Variants in TBC1D9B observed in about 807,000 individuals in gnomAD.
TBC1D9B encodes the protein TBC1 domain family member 9B, also known as TBC1 domain family, member 9B (with GRAM domain).
A neutral mutation model predicts 121.1 loss-of-function variants in TBC1D9B; 87 were observed. The ratio of observed to expected loss-of-function variants is 0.72; its 90% CI spans 0.60 to 0.86. The LOEUF (loss-of-function observed/expected upper bound fraction) is 0.86, where lower values mean the gene tolerates loss of function less well. Ranked by LOEUF, TBC1D9B falls within the 40% of genes least tolerant of loss-of-function variation. The pLI, the probability that TBC1D9B is intolerant of heterozygous loss-of-function variation, is 0.00. For synonymous variants in TBC1D9B, 668 were observed against 670.1 expected, an observed-to-expected ratio of 1.00 and a Z score of 0.05; for missense variants, 1,540 against 1,628.6, an observed-to-expected ratio of 0.95 and a Z score of 0.94.
chr5:179,873,094 C>A, intron 13 of TBC1D9B, 25 bp downstream of exon 13: 1 of 1,610,776 alleles, frequency 6.2e-7, no homozygotes. Flanking sequence ...GCGGCCTGGC[C>A]AAAATGGCCC....
chr5:179,894,620 G>A lies in TBC1D9B; in HGVS notation c.349-6C>T. 6.2e-7 allele frequency: 1 copy of A among 1,614,078 alleles called. No homozygotes were observed. The highest frequency in any genetic ancestry group is 1.1e-5 in the South Asian group (1 of 91,084). ...TTCTCTTCTGCGATGATTCCCTGGA[G>A]GAAGGCAAGAGGACAAGGGCTTGCC... On this transcript the variant is annotated splice_region_variant and splice_polypyrimidine_tract_variant and intron_variant, in intron 3 of 20. Coordinates refer to ENST00000355235, the MANE Select transcript of TBC1D9B (RefSeq NM_015043.4).
In TBC1D9B at chr5:179,870,459, G is replaced by T; in HGVS notation, c.2521C>A (p.Arg841Ser). The change falls in exon 16 of 21, where the codon CGC becomes AGC. Residue 841 changes from arginine (R) to serine (S), a missense_variant. Arg to Ser is a moderately radical substitution (Grantham distance 110). Transcript: ENST00000355235. ...GGGTCCCGACGGCCGGCCATTGTGC[G>T]GCTGCACCCCCAGTACTGGCTAGCC... The part of the protein sequence containing the change: ...HLASQYWGCS[R>S]TMAGRRDPSL... 6.2e-7 allele frequency: 1 copy of T among 1,612,492 alleles called. No individual in the cohort carries two copies. The highest frequency in any genetic ancestry group is 8.5e-7 in the Non-Finnish European group (1 of 1,179,978).
At chr5:179,901,739 G>C (rs931077230) in intron 2 of TBC1D9B, among the ~76,000 whole-genome samples, 1 of 152,212 alleles carries the variant, frequency 6.6e-6, no homozygotes, top group African/African-American at 2.4e-5. Context: ...CGGCACTCCA[G>C]CCTGGGCAAC....
In TBC1D9B at chr5:179,867,788, G is replaced by A. The variant is rs1375480129; in HGVS notation, c.2853C>T (p.Ser951=). The part of the protein sequence containing the change: ...LEAAHYFTED[S]SSEEALPQEE... ...CCAGTGGCCGCTCACCTTCTGAGGA[G>A]CTGTCCTCTGTGAAATAATGGGCCG... Residue 951 remains serine (S), a synonymous_variant, in exon 18 of 21, where the codon AGC becomes AGT. Transcript: ENST00000355235. 1 of 1,561,772 alleles carries A rather than the reference G, an allele frequency of 6.4e-7. No individual in the cohort carries two copies. Among genetic ancestry groups the A allele is most frequent in the Admixed American group, 1.9e-5 (1 of 53,806 alleles).
Position 179,863,463 on chromosome 5 carries a change from A to G in TBC1D9B, c.3687T>C (p.Pro1229=), listed in dbSNP as rs1561629809. ...GCTGCAGGCATCAGCCGGAAACTCCAGGCTGCTCATGGTCACTGGCGGTGC... is the reference window on the plus strand; with the variant it reads ...GCTGCAGGCATCAGCCGGAAACTCCGGGCTGCTCATGGTCACTGGCGGTGC... ...QFSTASDHEQ[P]GVSG Residue 1229 remains proline (P), a synonymous_variant, in exon 21 of 21, where the codon CCT becomes CCC. Coordinates refer to ENST00000355235, the MANE Select transcript of TBC1D9B (RefSeq NM_015043.4). The surrounding 1 kb of genome is among the most constrained non-coding windows in gnomAD (Gnocchi z 4.5). 1 of 1,613,704 alleles carries G rather than the reference A, an allele frequency of 6.2e-7. No homozygotes were observed. The highest frequency in any genetic ancestry group is 2.2e-5 in the East Asian group (1 of 44,880).
At position 179,875,844 on chromosome 5, in the gene TBC1D9B, C is replaced by G; in HGVS notation, c.1900+76G>C. ...ACCCACGTGAAGCCTGGAGCTTGGC[C>G]TGGGAAGGGCTGCCACCCTCATGGA... is the stretch of plus-strand genomic sequence containing the variant. On this transcript the variant is annotated intron_variant, in intron 11 of 20. Transcript: ENST00000355235. The surrounding 1 kb of genome is among the most constrained non-coding windows in gnomAD (Gnocchi z 4.5). The G allele has an allele frequency of 8.0e-7, 1 of 1,242,640 alleles. No individual in the cohort carries two copies. 77.0% of individuals were successfully genotyped at this position (1,242,640 alleles called of 1,614,324 possible). A position where few individuals can be genotyped will look rare whatever the true frequency, so the allele number is the denominator to read the frequency against.
intron 1 of TBC1D9B, among the ~76,000 whole-genome samples, chr5:179,906,422 G>A (rs565281666): frequency 1.1e-4 from 16 of 152,320 alleles, no homozygotes; most frequent in Middle Eastern, 3.4e-3. Context: ...GCACCCGCCC[G>A]TTCAATGAGA....
In TBC1D9B at chr5:179,879,161, G is replaced by A. The variant is rs1760455896; in HGVS notation, c.1453C>T (p.His485Tyr). The change falls in exon 9 of 21, where the codon CAC becomes TAC. Residue 485 changes from histidine (H) to tyrosine (Y), a missense_variant. By Grantham distance (83) the His-to-Tyr change is moderately conservative. Coordinates refer to ENST00000355235, the MANE Select transcript of TBC1D9B (RefSeq NM_015043.4). ...EKMKEESWHI[H>Y]FFEYGRGVCM... ...ACGCCACGCCCGTACTCGAAGAAGT[G>A]GATGTGCCATGACTCCTCTTTCATC... 1 of 1,605,576 alleles carries A rather than the reference G, an allele frequency of 6.2e-7. No individual in the cohort carries two copies. The highest frequency in any genetic ancestry group is 1.7e-4 in the Middle Eastern group (1 of 6,054).
At position 179,865,324 on chromosome 5, in the gene TBC1D9B, T is replaced by C. The variant is rs1759976674; in HGVS notation, c.2951A>G (p.Tyr984Cys). Residue 984 changes from tyrosine (Y) to cysteine (C), a missense_variant, in exon 20 of 21, where the codon TAC becomes TGC. Transcript: ENST00000355235. The surrounding 1 kb of genome is among the most constrained non-coding windows in gnomAD (Gnocchi z 5.1). ...KGTSSPDYRH[Y>C]LRMWAKEKEA... ...TTTCTCCTTGGCCCACATTCGAAGG[T>C]AGTGCCGATAGTCCGGAGAGCTGGT... is the stretch of plus-strand genomic sequence containing the variant. 1.2e-6 allele frequency: 2 copies of C among 1,613,894 alleles called. No individual in the cohort carries two copies. The highest frequency in any genetic ancestry group is 1.7e-6 in the Non-Finnish European group (2 of 1,180,022).
intron 2 of TBC1D9B, among the ~76,000 whole-genome samples, chr5:179,900,788 A>G (rs1014942133): frequency 2.0e-5 from 3 of 152,168 alleles, no homozygotes; most frequent in African/African-American, 7.2e-5. Context: ...ACAAGGCACA[A>G]CTCAGCCTTC....
intron 7 of TBC1D9B, among the ~76,000 whole-genome samples, chr5:179,881,339 C>T (rs1760536605): frequency 6.6e-6 from 1 of 152,186 alleles, no homozygotes; most frequent in East Asian, 1.9e-4. Context: ...CACACTTCTT[C>T]CTGTTTAACT....
chr5:179,907,738 T>C lies in TBC1D9B; in HGVS notation c.84A>G (p.Arg28=). ...CGCCGCCCCTGCCGTGGCCCCGGCG[T>C]CGCTGCAGCACGAAGAAGGGGTTGG... ...ERANPFFVLQ[R]RRGHGRGGGL... Residue 28 remains arginine, a synonymous_variant, in exon 1 of 21, where the codon CGA becomes CGG. Transcript: ENST00000355235. The surrounding 1 kb of genome is among the most constrained non-coding windows in gnomAD (Gnocchi z 5.3). The C allele has an allele frequency of 3.4e-6, 4 of 1,192,326 alleles. No homozygotes were observed. The highest frequency in any genetic ancestry group is 4.3e-6 in the Non-Finnish European group (4 of 936,792). 73.9% of individuals were successfully genotyped at this position (1,192,326 alleles called of 1,614,324 possible).
At position 179,863,556 on chromosome 5, in the gene TBC1D9B, G is replaced by A. The variant is rs1759910550; in HGVS notation, c.3594C>T (p.Asn1198=). The change falls in exon 21 of 21, where the codon AAC becomes AAT. Residue 1198 remains asparagine, a synonymous_variant. Coordinates refer to ENST00000355235, the MANE Select transcript of TBC1D9B (RefSeq NM_015043.4). The surrounding 1 kb of genome is among the most constrained non-coding windows in gnomAD (Gnocchi z 4.5). ...ASILTESVLV[N]FFEKRVDIGL... ...CAATGTCCACTCTCTTCTCAAAGAA[G>A]TTCACCAGCACGGACTCCGTCAGGA... The A allele has an allele frequency of 6.2e-7, 1 of 1,614,088 alleles. No individual in the cohort carries two copies. Among genetic ancestry groups the A allele is most frequent in the South Asian group, 1.1e-5 (1 of 91,084 alleles).
chr5:179,905,043 C>T (rs959346308), intron 1 of TBC1D9B, among the ~76,000 whole-genome samples: 3 of 152,242 alleles, frequency 2.0e-5, no homozygotes, highest in African/African-American at 7.2e-5. Flanking sequence ...CTTCTCCTGG[C>T]TCAGAAACAC....
Position 179,871,473 on chromosome 5 carries a change from T to C in TBC1D9B, c.2473A>G (p.Met825Val). 2 of 1,612,874 alleles carry C rather than the reference T, an allele frequency of 1.2e-6. No individual in the cohort carries two copies. Among genetic ancestry groups the C allele is most frequent in the Non-Finnish European group, 1.7e-6 (2 of 1,179,514 alleles). Residue 825 changes from methionine to valine, a missense_variant, in exon 15 of 21, where the codon ATG becomes GTG. Transcript: ENST00000355235. ...FSIEELEDLYMVFKAKHLASQ... is the reference protein window; with the variant it reads ...FSIEELEDLYVVFKAKHLASQ... ...CTCTGAGCTGTCACCTTAAACACCA[T>C]GTAAAGGTCCTCCAGCTCTTCAATG...
At position 179,865,318 on chromosome 5, in the gene TBC1D9B, C is replaced by T. The variant is rs200057303; in HGVS notation, c.2957G>A (p.Arg986Gln). Reference sequence around the variant, plus strand: ...AGCCTCTTTCTCCTTGGCCCACATTCGAAGGTAGTGCCGATAGTCCGGAGA... The same window carrying T: ...AGCCTCTTTCTCCTTGGCCCACATTTGAAGGTAGTGCCGATAGTCCGGAGA... ...TSSPDYRHYL[R>Q]MWAKEKEAQK... Residue 986 changes from arginine to glutamine, a missense_variant, in exon 20 of 21, where the codon CGA becomes CAA. Coordinates refer to ENST00000355235, the MANE Select transcript of TBC1D9B (RefSeq NM_015043.4). This position sits in a 1 kb window ranked among gnomAD's most constrained non-coding sequence, Gnocchi z 5.1. 1.8e-4 allele frequency: 294 copies of T among 1,614,090 alleles called. 1 individual carries two copies. Among genetic ancestry groups the T allele is most frequent in the East Asian group, 9.6e-4 (43 of 44,884 alleles).
At chr5:179,881,456 A>T (rs1359657917) in intron 7 of TBC1D9B, among the ~76,000 whole-genome samples, 3 of 152,150 alleles carry the variant, frequency 2.0e-5, no homozygotes, top group Non-Finnish European at 4.4e-5. Context: ...CTCTCCCAGC[A>T]CAGAACTGCA....
At chr5:179,870,155 C>T in intron 16 of TBC1D9B, 100 bp downstream of exon 16, 3 of 1,550,840 alleles carry the variant, frequency 1.9e-6, no homozygotes, top group Non-Finnish European at 2.6e-6. Context: ...CTGCCCCCTA[C>T]TTGCTGCAGG....
intron 17 of TBC1D9B, chr5:179,869,020 ACAGGTC>A (rs1368450191): frequency 6.5e-6 from 1 of 154,408 alleles, no homozygotes; most frequent in East Asian, 1.9e-4. Flanking sequence ...TTTAAAAACC[ACAGGTC>A]TGGGCCCCAT....
Sources: allele counts gnomAD v4.1 joint callset (sites outside exome capture counted in the v4.1 genomes callset), GRCh38; gene constraint gnomAD v4.1.1; non-coding constraint Gnocchi (gnomAD v3.1); transcripts MANE v1.5; gene names NCBI Gene and HGNC (gene_info 2026-07-23, HGNC 2026-07-21).